The following KLC2 variants were observed in gnomAD, a reference collection of about 807,000 sequenced individuals.
KLC2 encodes the protein kinesin light chain 2.
KLC2 carries 35 observed loss-of-function variants against 75.1 expected under a neutral mutation model. The observed-to-expected ratio is 0.47, with a 90% CI of 0.36 to 0.62. The LOEUF (loss-of-function observed/expected upper bound fraction) is 0.62, where lower values mean the gene tolerates loss of function less well. Among genes scored for constraint, KLC2 ranks in the 20% least tolerant of loss-of-function variants. The probability of loss-of-function intolerance (pLI) is 0.00; values close to 1 mark genes in which losing one functional copy is unlikely to be tolerated. For synonymous variants in KLC2, 314 were observed against 336.7 expected, an observed-to-expected ratio of 0.93 and a Z score of 0.74; for missense variants, 611 against 833.2, an observed-to-expected ratio of 0.73 and a Z score of 3.28.
In KLC2 at chr11:66,266,501, G is replaced by T; in HGVS notation, c.1785+11G>T. On this transcript the variant is annotated intron_variant, in intron 15 of 15. Transcript: ENST00000394067. ...GAAGAGCCGACCCAGGTAGGGGCAG[G>T]CGGGTGTCTGGGCACTGGGCAGCTG... 1 of 1,613,890 alleles carries T rather than the reference G, an allele frequency of 6.2e-7. No individual in the cohort carries two copies. Among genetic ancestry groups the T allele is most frequent in the Non-Finnish European group, 8.5e-7 (1 of 1,179,852 alleles).
At position 66,267,232 on chromosome 11, in the gene KLC2, C is replaced by T; in HGVS notation, c.*276C>T. 6.6e-7 allele frequency: 1 copy of T among 1,510,072 alleles called. No individual in the cohort carries two copies. Among genetic ancestry groups the T allele is most frequent in the Non-Finnish European group, 9.0e-7 (1 of 1,109,976 alleles). 93.5% of individuals were successfully genotyped at this position (1,510,072 alleles called of 1,614,324 possible). A position where few individuals can be genotyped will look rare whatever the true frequency, so the allele number is the denominator to read the frequency against. On this transcript the variant is annotated 3_prime_UTR_variant, in exon 16 of 16. Coordinates refer to ENST00000394067, the MANE Select transcript of KLC2 (RefSeq NM_001318734.2). The stretch of plus-strand genomic sequence containing the variant: ...TGCCGGCTGGAGTCTCCACCATAGA[C>T]TCAGTGGCCTGGCCTCCCCAGACCC...
Position 66,265,757 on chromosome 11 carries a change from C to T in KLC2, c.1437C>T (p.Arg479=), listed in dbSNP as rs771042978. The T allele has an allele frequency of 2.5e-6, 4 of 1,613,530 alleles. No homozygotes were observed. The highest frequency in any genetic ancestry group is 3.4e-6 in the Non-Finnish European group (4 of 1,179,680). Residue 479 remains arginine (R), a synonymous_variant, in exon 12 of 16, where the codon CGC becomes CGT. Transcript: ENST00000394067. The part of the protein sequence containing the change: ...HTLEDCASRN[R]KQGLDPASQT... Reference sequence around the variant, plus strand: ...TAGAGGACTGTGCCAGCCGTAACCGCAAGCAGGTGGGGCTCCATGCAGGAG... The same window carrying T: ...TAGAGGACTGTGCCAGCCGTAACCGTAAGCAGGTGGGGCTCCATGCAGGAG...
intron 5 of KLC2, 85 bp from the exon 6 acceptor site, chr11:66,263,575 A>G (rs997789847): frequency 1.1e-6 from 1 of 896,848 alleles, no homozygotes; most frequent in African/African-American, 1.6e-5. Context: ...CTCAGTGAGT[A>G]CAGGAGTGAC....
chr11:66,258,962 T>G lies in KLC2; in HGVS notation c.228+140T>G, dbSNP rs147221039. 2.5e-4 allele frequency: 157 copies of G among 637,534 alleles called. No individual in the cohort carries two copies. In the East Asian group the frequency reaches 4.3e-3, roughly 17 times the overall value. 39.5% of individuals were successfully genotyped at this position (637,534 alleles called of 1,614,324 possible). A position where few individuals can be genotyped will look rare whatever the true frequency, so the allele number is the denominator to read the frequency against. The stretch of plus-strand genomic sequence containing the variant: ...CCATGTTAGGACCCCAGTAAATACC[T>G]TTTGAAGAAATAAATGCACTTTGGC... On this transcript the variant is annotated intron_variant, in intron 2 of 15. Coordinates refer to ENST00000394067, the MANE Select transcript of KLC2 (RefSeq NM_001318734.2).
upstream of KLC2, among the ~76,000 whole-genome samples, chr11:66,256,116 A>G (rs913132319): frequency 1.3e-5 from 2 of 152,130 alleles, no homozygotes; most frequent in Non-Finnish European, 2.9e-5. Context: ...CTATCCGGAA[A>G]AAAATCATTC....
At chr11:66,265,519 A>C in intron 11 of KLC2, 136 bp from the exon 12 acceptor site, 1 of 779,772 alleles carries the variant, frequency 1.3e-6, no homozygotes, top group African/African-American at 1.8e-5. Context: ...TGGGCCCAGC[A>C]CAGGGCTTGA....
chr11:66,266,809 C>G, intron 15 of KLC2, 64 bp from the exon 16 acceptor site: 1 of 1,546,158 alleles, frequency 6.5e-7, no homozygotes, highest in African/African-American at 1.4e-5. Context: ...CAGACCCCTT[C>G]AGGCCAGGGA....
At chr11:66,251,488 T>C in the KLC2 span, among the ~76,000 whole-genome samples, 3 of 127,920 alleles carry the variant, frequency 2.3e-5, 1 homozygote, top group Non-Finnish European at 3.6e-5. Flanking sequence ...AGAGTGAGAC[T>C]CCGTCTCAAA....
chr11:66,264,431 T>G lies in KLC2; in HGVS notation c.1203T>G (p.Phe401Leu), dbSNP rs1011546869. The change falls in exon 9 of 16, where the codon TTT (phenylalanine) becomes TTG (leucine). Residue 401 changes from phenylalanine (F) to leucine (L), a missense_variant. Phe to Leu is a conservative substitution (Grantham distance 22, BLOSUM62 0). Coordinates refer to ENST00000394067, the MANE Select transcript of KLC2 (RefSeq NM_001318734.2). The stretch of plus-strand genomic sequence containing the variant: ...TCACCCGCGCTCATGAGAAAGAGTT[T>G]GGCTCTGTCAATGGTGAGTGCGTGG... Reference protein sequence around the residue: ...EILTRAHEKEFGSVNGDNKPI... With the variant: ...EILTRAHEKELGSVNGDNKPI... 3 of 1,612,876 alleles carry G rather than the reference T, an allele frequency of 1.9e-6. No homozygotes were observed. The highest frequency in any genetic ancestry group is 2.5e-6 in the Non-Finnish European group (3 of 1,179,374).
At chr11:66,266,648 C>T (rs1246118287) in intron 15 of KLC2, 158 bp downstream of exon 15, 2 of 893,946 alleles carry the variant, frequency 2.2e-6, no homozygotes, top group South Asian at 1.4e-5. Flanking sequence ...GAGGGGAACC[C>T]AGCCTCTCCT....
the KLC2 span, among the ~76,000 whole-genome samples, chr11:66,245,707 T>C: frequency 7.2e-6 from 1 of 139,510 alleles, no homozygotes; most frequent in African/African-American, 2.8e-5. Flanking sequence ...ACAGCGAGAC[T>C]CCGTCTCAAA....
chr11:66,244,491 G>T, the KLC2 span: 1 of 152,520 alleles, frequency 6.6e-6, no homozygotes. Flanking sequence ...CCCCAGCCCG[G>T]CCATCTGCGC....
At chr11:66,252,322 G>A (rs1855969467), upstream of KLC2, among the ~76,000 whole-genome samples, 2 of 152,140 alleles carry the variant, frequency 1.3e-5, no homozygotes, top group African/African-American at 4.8e-5. Flanking sequence ...GTCTCGCTCT[G>A]TCCCCCAGGC....
rs2134846060 is a variant in KLC2, at chr11:66,267,048, C to T, written c.*92C>T. On this transcript the variant is annotated 3_prime_UTR_variant, in exon 16 of 16. Transcript: ENST00000394067. ...TGGGCCTGCTGCTTGTCCCGCCTGTCTCTCCCACAGCCCCTGTCTTTTCTG... is the reference window on the plus strand; with the variant it reads ...TGGGCCTGCTGCTTGTCCCGCCTGTTTCTCCCACAGCCCCTGTCTTTTCTG... The T allele has an allele frequency of 6.3e-7, 1 of 1,583,584 alleles. No individual in the cohort carries two copies. Among genetic ancestry groups the T allele is most frequent in the East Asian group, 2.3e-5 (1 of 43,406 alleles).
Position 66,266,518 on chromosome 11 carries a change from G to A in KLC2, c.1785+28G>A, listed in dbSNP as rs756680075. The A allele has an allele frequency of 2.5e-6, 4 of 1,608,398 alleles. No individual in the cohort carries two copies. In the East Asian group the frequency reaches 6.7e-5, roughly 27 times the overall value. On this transcript the variant is annotated intron_variant, in intron 15 of 15. Coordinates refer to ENST00000394067, the MANE Select transcript of KLC2 (RefSeq NM_001318734.2). ...AGGGGCAGGCGGGTGTCTGGGCACT[G>A]GGCAGCTGCGGCCGGGGCTGCATGC...
chr11:66,252,699 G>A (rs1019878369), upstream of KLC2, among the ~76,000 whole-genome samples: 1 of 152,202 alleles, frequency 6.6e-6, no homozygotes, highest in South Asian at 2.1e-4. Context: ...GAGAAACGCG[G>A]CTTTGAACTT....
Position 66,265,956 on chromosome 11 carries a change from G to A in KLC2, c.1546G>A (p.Gly516Arg), listed in dbSNP as rs745720280. The change falls in exon 13 of 16, where the codon GGG becomes AGG. Residue 516 changes from glycine (G) to arginine (R), a missense_variant. By Grantham distance (125) the Gly-to-Arg change is moderately radical. Transcript: ENST00000394067. Reference sequence around the variant, plus strand: ...CAGCCGAGACATGGCTGGGGGTGCCGGGCCTCGGTCTGAGTCTGACCTCGA... The same window carrying A: ...CAGCCGAGACATGGCTGGGGGTGCCAGGCCTCGGTCTGAGTCTGACCTCGA... ...RSSRDMAGGA[G>R]PRSESDLEDV... is the part of the protein sequence containing the mutation. The A allele has an allele frequency of 5.0e-6, 8 of 1,601,928 alleles. No homozygotes were observed. In the African/African-American group the frequency reaches 6.7e-5, roughly 13 times the overall value.
chr11:66,264,480 C>A, intron 9 of KLC2, 36 bp downstream of exon 9: 1 of 1,434,954 alleles, frequency 7.0e-7, no homozygotes, highest in Non-Finnish European at 9.8e-7. Context: ...CTAGCCCATC[C>A]ATCCCAGGCC....
the KLC2 span, among the ~76,000 whole-genome samples, chr11:66,245,365 G>A: frequency 4.1e-4 from 62 of 152,270 alleles, no homozygotes; most frequent in African/African-American, 1.3e-3. Flanking sequence ...CGTTTTGCCC[G>A]AACTCAGGAG....
Sources: allele counts gnomAD v4.1 joint callset (sites outside exome capture counted in the v4.1 genomes callset), GRCh38; gene constraint gnomAD v4.1.1; transcripts MANE v1.5; gene names NCBI Gene and HGNC (gene_info 2026-07-23, HGNC 2026-07-21).